The following GRM5 variants were observed in gnomAD, a reference collection of about 807,000 sequenced individuals.
The protein encoded by GRM5 is glutamate metabotropic receptor 5.
A neutral mutation model predicts 83.1 loss-of-function variants in GRM5; 19 were observed. That is an observed-to-expected ratio of 0.23 (90% CI 0.16 to 0.34). The LOEUF (loss-of-function observed/expected upper bound fraction) is 0.34. Ranked by LOEUF, GRM5 falls within the 10% of genes least tolerant of loss-of-function variation. The probability of loss-of-function intolerance (pLI) is 1.00; values close to 1 mark genes in which losing one functional copy is unlikely to be tolerated. For missense variants in GRM5, 1,160 were observed against 1,588.3 expected (o/e 0.73, Z 4.58); for synonymous variants, 675 against 633.6 (o/e 1.07, Z -0.98).
At chr11:88,998,951 G>C (rs141308798) in intron 2 of GRM5, among the ~76,000 whole-genome samples, 2 of 151,974 alleles carry the variant, frequency 1.3e-5, no homozygotes, top group Non-Finnish European at 2.9e-5. Flanking sequence ...ACAACTATCC[G>C]ATCTTTGACA....
At chr11:88,695,762 G>T (rs113594144) in intron 3 of GRM5, among the ~76,000 whole-genome samples, 5 of 152,226 alleles carry the variant, frequency 3.3e-5, no homozygotes, top group African/African-American at 1.2e-4. Context: ...CTCACAGGGC[G>T]TGAGACAGGG....
intron 2 of GRM5, among the ~76,000 whole-genome samples, chr11:89,010,424 C>T (rs2135088589): frequency 6.6e-6 from 1 of 152,228 alleles, no homozygotes; most frequent in African/African-American, 2.4e-5. Flanking sequence ...CCAATAAACC[C>T]TATGAGTATA....
chr11:89,035,692 C>A (rs1941368289), intron 2 of GRM5, among the ~76,000 whole-genome samples: 1 of 151,920 alleles, frequency 6.6e-6, no homozygotes, highest in Non-Finnish European at 1.5e-5. Context: ...ACCTTGATAT[C>A]ACTTTATAGA....
chr11:88,692,925 A>C (rs1940813886), intron 3 of GRM5, among the ~76,000 whole-genome samples: 1 of 152,194 alleles, frequency 6.6e-6, no homozygotes, highest in Admixed American at 6.5e-5. Context: ...TAATGGGAAC[A>C]GTTAACTGGC....
intron 3 of GRM5, among the ~76,000 whole-genome samples, chr11:88,784,754 T>A (rs928887785): frequency 6.6e-6 from 1 of 152,090 alleles, no homozygotes; most frequent in Non-Finnish European, 1.5e-5. Flanking sequence ...AGGATTTCAT[T>A]TCTCCCTATA....
intron 3 of GRM5, among the ~76,000 whole-genome samples, chr11:88,669,461 G>A (rs1010914998): frequency 6.6e-6 from 1 of 151,910 alleles, no homozygotes; most frequent in Admixed American, 6.6e-5. Flanking sequence ...TTTATTGAAG[G>A]TTCTAGCAAG....
chr11:88,976,730 T>C (rs990661010), intron 2 of GRM5, among the ~76,000 whole-genome samples: 5 of 152,134 alleles, frequency 3.3e-5, no homozygotes, highest in African/African-American at 1.2e-4. Flanking sequence ...AGTAAGTTTT[T>C]ATATTGTGGT....
At chr11:89,053,549 AG>A (rs1185838897) in intron 1 of GRM5, among the ~76,000 whole-genome samples, 4 of 152,190 alleles carry the variant, frequency 2.6e-5, no homozygotes, top group Non-Finnish European at 4.4e-5. Context: ...CTATGCCCCA[AG>A]GATCCAGTTA....
chr11:88,638,612 G>T (rs1939205262), intron 4 of GRM5, among the ~76,000 whole-genome samples: 1 of 152,038 alleles, frequency 6.6e-6, no homozygotes, highest in Admixed American at 6.6e-5. Context: ...ACCAATCTGG[G>T]CCTGGAGTTT....
chr11:88,881,301 C>T (rs959052706), intron 2 of GRM5, among the ~76,000 whole-genome samples: 1 of 151,256 alleles, frequency 6.6e-6, no homozygotes, highest in Non-Finnish European at 1.5e-5. Flanking sequence ...AAAAATGTTA[C>T]CATGCTCAAC....
At chr11:88,964,608 T>C (rs1399932243) in intron 2 of GRM5, among the ~76,000 whole-genome samples, 3 of 152,110 alleles carry the variant, frequency 2.0e-5, no homozygotes, top group South Asian at 2.1e-4. Context: ...TCCAAAATTA[T>C]TGACTGACAA....
chr11:88,902,067 C>T (rs889116187), intron 2 of GRM5, among the ~76,000 whole-genome samples: 3 of 152,084 alleles, frequency 2.0e-5, no homozygotes, highest in African/African-American at 4.8e-5. Context: ...CTGAGAAGGT[C>T]CCAAAATGCC....
At chr11:88,816,353 A>T (rs527454030) in intron 3 of GRM5, among the ~76,000 whole-genome samples, 1 of 151,658 alleles carries the variant, frequency 6.6e-6, no homozygotes, top group Non-Finnish European at 1.5e-5. Flanking sequence ...AGCCTGGCCA[A>T]CATAGTGAAG....
At chr11:88,815,561 A>T (rs1288212258) in intron 3 of GRM5, among the ~76,000 whole-genome samples, 1 of 152,220 alleles carries the variant, frequency 6.6e-6, no homozygotes, top group African/African-American at 2.4e-5. Flanking sequence ...AGAAGGTTCA[A>T]GATTGGTCAT....
At chr11:88,952,142 A>T (rs1468601208) in intron 2 of GRM5, among the ~76,000 whole-genome samples, 3 of 151,996 alleles carry the variant, frequency 2.0e-5, no homozygotes, top group African/African-American at 7.2e-5. Context: ...ACACACACAC[A>T]CACATTGCTA....
intron 3 of GRM5, among the ~76,000 whole-genome samples, chr11:88,750,823 T>C (rs1942253299): frequency 6.6e-6 from 1 of 151,810 alleles, no homozygotes; most frequent in Non-Finnish European, 1.5e-5. Flanking sequence ...CCAGAATGAC[T>C]CTTGGGTAAA....
At chr11:89,020,356 G>A (rs537014057) in intron 2 of GRM5, among the ~76,000 whole-genome samples, 1 of 152,210 alleles carries the variant, frequency 6.6e-6, no homozygotes, top group South Asian at 2.1e-4. Context: ...TTCAGAGCAT[G>A]CTCCCTTACA....
chr11:88,823,395 C>CCCTG (rs1342788331), intron 3 of GRM5, among the ~76,000 whole-genome samples: 1 of 151,996 alleles, frequency 6.6e-6, no homozygotes, highest in Non-Finnish European at 1.5e-5. Context: ...CTTTCCACCT[C>CCCTG]CCTGAAGAGT....
intron 3 of GRM5, among the ~76,000 whole-genome samples, chr11:88,728,869 GTA>G (rs1941742425): frequency 6.6e-6 from 1 of 151,982 alleles, no homozygotes; most frequent in African/African-American, 2.4e-5. Context: ...TTGATGGAAC[GTA>G]TCTCAAAATA....
Sources: gnomAD v4.1 joint callset for allele counts (sites outside exome capture counted in the v4.1 genomes callset) on GRCh38, gnomAD v4.1.1 for gene constraint, MANE v1.5 for transcripts, NCBI Gene and HGNC (gene_info 2026-07-23, HGNC 2026-07-21) for gene names.